Variants in LINGO2 observed in about 807,000 individuals in gnomAD.
LINGO2 encodes leucine-rich repeat and immunoglobulin-like domain-containing nogo receptor-interacting protein 2.
LINGO2 carries 14 observed loss-of-function variants against 30.6 expected under a neutral mutation model. That is an observed-to-expected ratio of 0.46 (90% CI 0.30 to 0.72). The LOEUF (loss-of-function observed/expected upper bound fraction) is 0.72, where lower values mean the gene tolerates loss of function less well. Ranked by LOEUF, LINGO2 falls within the 30% of genes least tolerant of loss-of-function variation. The pLI, the probability that LINGO2 is intolerant of heterozygous loss-of-function variation, is 0.07. For missense variants in LINGO2, 729 were observed against 751.7 expected (o/e 0.97, Z 0.35); for synonymous variants, 317 against 288.5 (o/e 1.10, Z -1.00).
At chr9:29,132,530 A>G in the LINGO2 span, among the ~76,000 whole-genome samples, 1 of 152,176 alleles carries the variant, frequency 6.6e-6, no homozygotes, top group African/African-American at 2.4e-5. Flanking sequence ...CAAGTAACCA[A>G]TGGGAAACCT....
intron 3 of LINGO2, among the ~76,000 whole-genome samples, chr9:28,295,706 C>A (rs1823897200): frequency 6.6e-6 from 1 of 152,152 alleles, no homozygotes; most frequent in Admixed American, 6.5e-5. Context: ...TCAGAGTATT[C>A]TTCTACTTTA....
chr9:28,964,692 G>C, the LINGO2 span, among the ~76,000 whole-genome samples: 25 of 152,062 alleles, frequency 1.6e-4, no homozygotes, highest in Middle Eastern at 3.4e-3. Context: ...AGAGATATTA[G>C]AGGCCTGAAT....
intron 4 of LINGO2, among the ~76,000 whole-genome samples, chr9:28,064,480 G>A (rs1825252572): frequency 6.6e-6 from 1 of 152,144 alleles, no homozygotes; most frequent in Non-Finnish European, 1.5e-5. Flanking sequence ...CCAACTGTGA[G>A]AGGCAACACT....
At chr9:29,046,034 G>A in the LINGO2 span, among the ~76,000 whole-genome samples, 1 of 152,016 alleles carries the variant, frequency 6.6e-6, no homozygotes, top group Admixed American at 6.6e-5. Context: ...GGAGCTTTCA[G>A]GCCAAAACTA....
At chr9:28,797,042 AG>A in the LINGO2 span, among the ~76,000 whole-genome samples, 1 of 151,692 alleles carries the variant, frequency 6.6e-6, no homozygotes, top group South Asian at 2.1e-4. Flanking sequence ...CTTAATTTGC[AG>A]AAAATAATTG....
chr9:28,273,540 C>G (rs1669386932), intron 4 of LINGO2, among the ~76,000 whole-genome samples: 1 of 152,182 alleles, frequency 6.6e-6, no homozygotes, highest in African/African-American at 2.4e-5. Context: ...TCATGGAGGA[C>G]TGGTGAAAGA....
At chr9:27,970,193 A>T (rs958645861) in intron 5 of LINGO2, among the ~76,000 whole-genome samples, 5 of 152,142 alleles carry the variant, frequency 3.3e-5, no homozygotes, top group African/African-American at 1.2e-4. Context: ...CACTGTGTGT[A>T]GTAATGCTGG....
the LINGO2 span, among the ~76,000 whole-genome samples, chr9:29,128,769 T>C: frequency 6.6e-6 from 1 of 152,098 alleles, no homozygotes; most frequent in Admixed American, 6.6e-5. Context: ...AGGTAAAGGC[T>C]ATTGGATCTT....
At chr9:29,208,508 T>C in the LINGO2 span, among the ~76,000 whole-genome samples, 1 of 152,098 alleles carries the variant, frequency 6.6e-6, no homozygotes, top group Non-Finnish European at 1.5e-5. Flanking sequence ...ATGACACATG[T>C]TAATATCTCA....
intron 4 of LINGO2, among the ~76,000 whole-genome samples, chr9:28,037,335 T>TGGAG (rs1823986154): frequency 2.0e-5 from 3 of 152,180 alleles, no homozygotes; most frequent in African/African-American, 7.2e-5. Flanking sequence ...GACTTAAACT[T>TGGAG]TATACTCCAG....
At chr9:28,721,063 T>C in the LINGO2 span, among the ~76,000 whole-genome samples, 1 of 151,832 alleles carries the variant, frequency 6.6e-6, no homozygotes, top group Non-Finnish European at 1.5e-5. Flanking sequence ...CAAACATATA[T>C]AAAAAAAGCT....
chr9:28,346,662 A>G lies in LINGO2; in HGVS notation c.-246+26174T>C, dbSNP rs146719532. Reference sequence around the variant, plus strand: ...TAATTTATAATCCCACCAGCAGTGTATAAGCATTCCCTTTTCTCCACAACC... The same window carrying G: ...TAATTTATAATCCCACCAGCAGTGTGTAAGCATTCCCTTTTCTCCACAACC... On this transcript the variant is annotated intron_variant, in intron 3 of 5. Coordinates refer to ENST00000379992, the Ensembl canonical transcript of LINGO2. 7.0e-4 allele frequency among the ~76,000 whole-genome samples: 106 copies of G among 152,300 alleles called. 1 individual carries two copies. The highest frequency in any genetic ancestry group is 2.5e-3 in the African/African-American group (102 of 41,578).
the LINGO2 span, among the ~76,000 whole-genome samples, chr9:29,103,177 C>T: frequency 6.6e-6 from 1 of 152,082 alleles, no homozygotes; most frequent in Non-Finnish European, 1.5e-5. Flanking sequence ...AAGATCACCT[C>T]AAGCAAGAGT....
rs71502447 is a variant in LINGO2 at position 28,467,026 on chromosome 9, CT to C, written c.-279+8913del. The stretch of plus-strand genomic sequence containing the variant: ...AATAAAAATAACCCTAGCTGACTCT[CT>C]TTTTTTTTGGGGGGGGGGGACGGAG... On this transcript the variant is annotated intron_variant, in intron 2 of 5. Coordinates refer to ENST00000379992, the Ensembl canonical transcript of LINGO2. 4.6e-3 allele frequency among the ~76,000 whole-genome samples: 649 copies of C among 140,558 alleles called. 6 individuals are homozygous for C. Among genetic ancestry groups the C allele is most frequent in the African/African-American group, 0.014 (516 of 37,408 alleles). 92.2% of individuals were successfully genotyped at this position (140,558 alleles called of 152,430 possible). A position where few individuals can be genotyped will look rare whatever the true frequency, so the allele number is the denominator to read the frequency against.
At chr9:28,502,433 A>T (rs2135320909) in intron 1 of LINGO2, among the ~76,000 whole-genome samples, 1 of 152,206 alleles carries the variant, frequency 6.6e-6, no homozygotes, top group African/African-American at 2.4e-5. Flanking sequence ...AGACCTTACT[A>T]ATGAAATTTC....
chr9:28,417,506 G>C (rs1019342379), intron 2 of LINGO2, among the ~76,000 whole-genome samples: 1 of 152,092 alleles, frequency 6.6e-6, no homozygotes, highest in African/African-American at 2.4e-5. Flanking sequence ...TAATTATTAG[G>C]AGATAATTAT....
chr9:29,022,482 T>C, the LINGO2 span, among the ~76,000 whole-genome samples: 3 of 152,186 alleles, frequency 2.0e-5, no homozygotes, highest in African/African-American at 7.2e-5. Context: ...CTCTGTCAGG[T>C]GATTTTCTTC....
downstream of LINGO2, among the ~76,000 whole-genome samples, chr9:27,947,766 T>C (rs1231550406): frequency 6.6e-6 from 1 of 152,182 alleles, no homozygotes; most frequent in Non-Finnish European, 1.5e-5. Flanking sequence ...CTGGTTTGTG[T>C]TGGCATCTGA....
intron 4 of LINGO2, among the ~76,000 whole-genome samples, chr9:28,160,136 T>G (rs1460744723): frequency 6.6e-6 from 1 of 152,110 alleles, no homozygotes. Flanking sequence ...CTCTAGAACA[T>G]TAAGGTTAAT....
Sources: gnomAD v4.1 joint callset for allele counts (sites outside exome capture counted in the v4.1 genomes callset) on GRCh38, gnomAD v4.1.1 for gene constraint, MANE v1.5 for transcripts, NCBI Gene and HGNC (gene_info 2026-07-23, HGNC 2026-07-21) for gene names.